Variants in TMTC1 observed in about 807,000 individuals in gnomAD.
TMTC1 encodes the protein protein O-mannosyl-transferase TMTC1.
In TMTC1, 73 loss-of-function variants were observed where a neutral mutation model predicts 104.8. The observed-to-expected ratio is 0.70, with a 90% CI of 0.58 to 0.85. The LOEUF (loss-of-function observed/expected upper bound fraction) is 0.85. TMTC1 is among the 40% of genes least tolerant of loss of function. The probability of loss-of-function intolerance (pLI) is 0.00; values close to 1 mark genes in which losing one functional copy is unlikely to be tolerated. For missense variants in TMTC1, 1,035 were observed against 1,096.1 expected (o/e 0.94, Z 0.79); for synonymous variants, 434 against 428.7 (o/e 1.01, Z -0.15).
intron 6 of TMTC1, chr12:29,614,074 T>C (rs1027516008): frequency 2.5e-5 from 5 of 197,658 alleles, no homozygotes; most frequent in Non-Finnish European, 4.6e-5. Context: ...CAAAAGATAA[T>C]CATCCATCCT....
chr12:29,748,856 A>C (rs1943020115), intron 5 of TMTC1, among the ~76,000 whole-genome samples: 1 of 149,414 alleles, frequency 6.7e-6, no homozygotes, highest in Non-Finnish European at 1.5e-5. Flanking sequence ...AAATAAACTT[A>C]AAATTAAATA....
intron 5 of TMTC1, among the ~76,000 whole-genome samples, chr12:29,653,494 CT>C (rs1357654542): frequency 6.6e-6 from 1 of 152,102 alleles, no homozygotes; most frequent in Non-Finnish European, 1.5e-5. Flanking sequence ...GGGGAACTTG[CT>C]TATCAAAAGA....
At chr12:29,572,019 C>T (rs2136299743) in intron 9 of TMTC1, 86 bp downstream of exon 9, 1 of 1,037,926 alleles carries the variant, frequency 9.6e-7, no homozygotes, top group Non-Finnish European at 1.5e-6. Flanking sequence ...CAAACAAACT[C>T]CCTCTCCATA....
At chr12:29,529,564 A>G (rs2136185174) in intron 11 of TMTC1, among the ~76,000 whole-genome samples, 1 of 152,328 alleles carries the variant, frequency 6.6e-6, no homozygotes, top group Non-Finnish European at 1.5e-5. Flanking sequence ...CAAACCTGGG[A>G]AATTAAGGAC....
chr12:29,542,401 A>G (rs1169139598), intron 10 of TMTC1, among the ~76,000 whole-genome samples: 1 of 152,228 alleles, frequency 6.6e-6, no homozygotes, highest in Non-Finnish European at 1.5e-5. Flanking sequence ...ATTTGGCAAT[A>G]TTATTGCCCT....
chr12:29,783,815 G>T lies in TMTC1; in HGVS notation c.-64C>A, dbSNP rs1943897081. On this transcript the variant is annotated 5_prime_UTR_variant, in exon 1 of 18. Coordinates refer to ENST00000539277, the MANE Select transcript of TMTC1 (RefSeq NM_001193451.2). This position sits in a 1 kb window ranked among gnomAD's most constrained non-coding sequence, Gnocchi z 4.7. ...GCGTCTGGCATCCTCCCCTACCGGG[G>T]CCCCGGCGGCGCGCGGCGTCTGCCC... The T allele has an allele frequency of 9.0e-7, 1 of 1,109,812 alleles. No homozygotes were observed. Among genetic ancestry groups the T allele is most frequent in the Non-Finnish European group, 1.1e-6 (1 of 911,390 alleles). The allele number at this position is 1,109,812 out of a possible 1,614,324, so 68.7% of individuals were successfully genotyped here. A position where few individuals can be genotyped will look rare whatever the true frequency, so the allele number is the denominator to read the frequency against.
chr12:29,765,263 T>C (rs1003585005), intron 2 of TMTC1, among the ~76,000 whole-genome samples: 1 of 152,216 alleles, frequency 6.6e-6, no homozygotes, highest in Non-Finnish European at 1.5e-5. Flanking sequence ...TCTAACTTCC[T>C]ATGCATTGTA....
intron 5 of TMTC1, among the ~76,000 whole-genome samples, chr12:29,643,516 A>G (rs12812218): frequency 1.2e-4 from 5 of 41,578 alleles, no homozygotes; most frequent in Non-Finnish European, 1.9e-4. Context: ...TTTTATATAT[A>G]ATATAATATA....
intron 1 of TMTC1, among the ~76,000 whole-genome samples, chr12:29,772,788 T>C (rs976034967): frequency 6.6e-6 from 1 of 152,164 alleles, no homozygotes; most frequent in African/African-American, 2.4e-5. Flanking sequence ...ACCCTGAATG[T>C]ACCCCTTTGA....
At chr12:29,540,857 C>T (rs183272219) in intron 10 of TMTC1, among the ~76,000 whole-genome samples, 1 of 151,834 alleles carries the variant, frequency 6.6e-6, no homozygotes, top group East Asian at 2.0e-4. Flanking sequence ...TAGCCAGGCA[C>T]AGTGGCGGGC....
At chr12:29,514,227 T>C (rs991062062) in intron 16 of TMTC1, among the ~76,000 whole-genome samples, 3 of 152,038 alleles carry the variant, frequency 2.0e-5, no homozygotes, top group African/African-American at 7.2e-5. Flanking sequence ...GAGGCCAAAA[T>C]GTGGAATGCT....
At chr12:29,522,685 A>C (rs1565643263) in intron 11 of TMTC1, among the ~76,000 whole-genome samples, 1 of 152,256 alleles carries the variant, frequency 6.6e-6, no homozygotes, top group East Asian at 1.9e-4. Context: ...TTCATTCCAC[A>C]TGCATTTACT....
At chr12:29,712,877 T>C (rs1941967389) in intron 5 of TMTC1, among the ~76,000 whole-genome samples, 1 of 152,208 alleles carries the variant, frequency 6.6e-6, no homozygotes. Context: ...CTTGAATGAA[T>C]CTTTTATCCA....
intron 10 of TMTC1, 99 bp downstream of exon 10, chr12:29,556,758 C>G (rs1439240684): frequency 2.0e-6 from 3 of 1,490,692 alleles, no homozygotes; most frequent in South Asian, 2.5e-5. Context: ...TATTCAGCTC[C>G]AGAGAGAGGC....
At chr12:29,579,425 G>C (rs1418982058) in intron 8 of TMTC1, among the ~76,000 whole-genome samples, 1 of 152,122 alleles carries the variant, frequency 6.6e-6, no homozygotes, top group African/African-American at 2.4e-5. Flanking sequence ...TCTTTTCCCT[G>C]GGAGGTATTC....
chr12:29,697,991 A>G (rs1358778131), intron 5 of TMTC1, among the ~76,000 whole-genome samples: 1 of 152,278 alleles, frequency 6.6e-6, no homozygotes, highest in Non-Finnish European at 1.5e-5. Context: ...TCACCCCAAA[A>G]TAGAGTACTC....
At chr12:29,745,307 A>G (rs1213216786) in intron 5 of TMTC1, among the ~76,000 whole-genome samples, 1 of 152,056 alleles carries the variant, frequency 6.6e-6, no homozygotes, top group East Asian at 1.9e-4. Context: ...CTTAGCAAAA[A>G]CGATGGTCAA....
At chr12:29,562,164 T>C (rs1381671967) in intron 9 of TMTC1, among the ~76,000 whole-genome samples, 2 of 152,200 alleles carry the variant, frequency 1.3e-5, no homozygotes, top group Non-Finnish European at 1.5e-5. Context: ...GTTTAATTGT[T>C]TGAAATTGCC....
intron 10 of TMTC1, among the ~76,000 whole-genome samples, chr12:29,546,246 G>A (rs1944939201): frequency 6.6e-6 from 1 of 152,198 alleles, no homozygotes; most frequent in East Asian, 1.9e-4. Flanking sequence ...GCTGAGCAGA[G>A]TGCCATTTAA....
Sources: allele counts gnomAD v4.1 joint callset (sites outside exome capture counted in the v4.1 genomes callset), GRCh38; gene constraint gnomAD v4.1.1; non-coding constraint Gnocchi (gnomAD v3.1); transcripts MANE v1.5; gene names NCBI Gene and HGNC (gene_info 2026-07-23, HGNC 2026-07-21).